NR2C2: variants seen among roughly 807,000 people sequenced by gnomAD.
The protein encoded by NR2C2 is nuclear receptor subfamily 2 group C member 2.
In NR2C2, 6 loss-of-function variants were observed where a neutral mutation model predicts 62.9. The ratio of observed to expected loss-of-function variants is 0.10; its 90% CI spans 0.05 to 0.19. The LOEUF (loss-of-function observed/expected upper bound fraction) is 0.19. NR2C2 is among the 10% of genes least tolerant of loss of function. The probability of loss-of-function intolerance (pLI) is 1.00; values close to 1 mark genes in which losing one functional copy is unlikely to be tolerated. For synonymous variants in NR2C2, 272 were observed against 273.8 expected, an observed-to-expected ratio of 0.99 and a Z score of 0.07; for missense variants, 479 against 762.7, an observed-to-expected ratio of 0.63 and a Z score of 4.38.
At chr3:14,952,064 T>G (rs2039379966) in intron 1 of NR2C2, among the ~76,000 whole-genome samples, 1 of 152,220 alleles carries the variant, frequency 6.6e-6, no homozygotes, top group African/African-American at 2.4e-5. Flanking sequence ...GTTTTTAGCA[T>G]CTGTCTCCAA....
intron 2 of NR2C2, among the ~76,000 whole-genome samples, chr3:15,007,699 G>C (rs1393902898): frequency 6.6e-6 from 1 of 152,148 alleles, no homozygotes; most frequent in Non-Finnish European, 1.5e-5. Flanking sequence ...AAAAAGTCTT[G>C]ACTTTTTCCT....
At chr3:14,952,292 G>T (rs929285399) in intron 1 of NR2C2, among the ~76,000 whole-genome samples, 28 of 152,200 alleles carry the variant, frequency 1.8e-4, no homozygotes, top group African/African-American at 5.6e-4. Context: ...TTGTGGAGCA[G>T]CCCTGTCTTC....
chr3:14,951,022 A>C (rs1167459027), intron 1 of NR2C2, among the ~76,000 whole-genome samples: 1 of 152,218 alleles, frequency 6.6e-6, no homozygotes, highest in Non-Finnish European at 1.5e-5. Flanking sequence ...TTTTTTTATG[A>C]TTGAATTACA....
intron 2 of NR2C2, among the ~76,000 whole-genome samples, chr3:15,007,952 A>G (rs1056797999): frequency 3.3e-5 from 5 of 152,186 alleles, no homozygotes; most frequent in African/African-American, 1.2e-4. Context: ...TAGAAGAGCA[A>G]GCATTCCTAT....
chr3:15,000,174 C>T (rs1278983431), intron 1 of NR2C2, among the ~76,000 whole-genome samples: 1 of 152,090 alleles, frequency 6.6e-6, no homozygotes, highest in Non-Finnish European at 1.5e-5. Context: ...TCTCCCCATT[C>T]CCCCTGCCCC....
At chr3:14,983,891 TA>T (rs1319666400) in intron 1 of NR2C2, among the ~76,000 whole-genome samples, 4 of 152,094 alleles carry the variant, frequency 2.6e-5, no homozygotes, top group South Asian at 2.1e-4. Context: ...TTTATTATTA[TA>T]TTTTTTTATT....
rs991021489 is a variant in NR2C2, at chr3:15,046,268, G to C, written c.*3260G>C. 1 of 152,122 alleles carries C rather than the reference G, an allele frequency of 6.6e-6. No individual in the cohort carries two copies. The highest frequency in any genetic ancestry group is 2.4e-5 in the African/African-American group (1 of 41,420). 9.4% of individuals were successfully genotyped at this position (152,122 alleles called of 1,614,324 possible). ...AAGATGTGTAATTGCCCTCAAGAGG[G>C]ACTGATTTTTAGCTTGTCATTGTCA... On this transcript the variant is annotated 3_prime_UTR_variant, in exon 14 of 14. Coordinates refer to ENST00000425241, the MANE Select transcript of NR2C2 (RefSeq NM_001291694.2).
chr3:14,956,871 ATAGT>A (rs1175812480), intron 1 of NR2C2, among the ~76,000 whole-genome samples: 5 of 152,200 alleles, frequency 3.3e-5, no homozygotes, highest in African/African-American at 4.8e-5. Flanking sequence ...CCATGTGTAT[ATAGT>A]TAAATTTCAT....
intron 1 of NR2C2, among the ~76,000 whole-genome samples, chr3:14,968,429 A>G (rs1369182072): frequency 6.6e-6 from 1 of 152,022 alleles, no homozygotes; most frequent in Non-Finnish European, 1.5e-5. Context: ...TCAAAACCAC[A>G]ATGAGATACC....
At chr3:14,972,836 G>T (rs1442974525) in intron 1 of NR2C2, among the ~76,000 whole-genome samples, 1 of 152,074 alleles carries the variant, frequency 6.6e-6, no homozygotes, top group East Asian at 1.9e-4. Flanking sequence ...CAAGAGAGTG[G>T]GGGGAGGTGC....
chr3:14,957,275 C>G (rs766188166), intron 1 of NR2C2, among the ~76,000 whole-genome samples: 1 of 152,128 alleles, frequency 6.6e-6, no homozygotes, highest in Non-Finnish European at 1.5e-5. Context: ...ATGAAGGCAG[C>G]GTCTCCTTGT....
chr3:15,038,071 A>C lies in NR2C2; in HGVS notation c.1444A>C (p.Met482Leu), dbSNP rs1172945590. 1.9e-5 allele frequency: 30 copies of C among 1,614,096 alleles called. No homozygotes were observed. Among genetic ancestry groups the C allele is most frequent in the Non-Finnish European group, 2.2e-5 (26 of 1,180,044 alleles). Residue 482 changes from methionine (M) to leucine (L), a missense_variant, in exon 12 of 14, where the codon ATG becomes CTG. By Grantham distance (15) the Met-to-Leu change is conservative. Around this residue, in one of 4 missense-constraint regions of NR2C2, gnomAD observed 162 missense variants for 296.8 expected, o/e 0.55. Coordinates refer to ENST00000425241, the MANE Select transcript of NR2C2 (RefSeq NM_001291694.2). ...GAAGCTGCAGGAGTTCTGTAACAGC[A>C]TGGCGAAGCTGGATATAGATGGCTA... ...IWKLQEFCNS[M>L]AKLDIDGYEY... is the part of the protein sequence containing the mutation.
At chr3:15,034,833 G>A (rs2042065439) in intron 11 of NR2C2, 24 bp downstream of exon 11, 1 of 1,596,104 alleles carries the variant, frequency 6.3e-7, no homozygotes, top group Non-Finnish European at 8.5e-7. Flanking sequence ...ACTTGGGGCT[G>A]GGGTGTGTCT....
chr3:14,996,446 G>C, intron 1 of NR2C2, among the ~76,000 whole-genome samples: 1 of 152,314 alleles, frequency 6.6e-6, no homozygotes, highest in South Asian at 2.1e-4. Context: ...GTTATCATTT[G>C]CTGAATGTAA....
At chr3:14,981,051 T>A (rs2040351843) in intron 1 of NR2C2, among the ~76,000 whole-genome samples, 1 of 152,250 alleles carries the variant, frequency 6.6e-6, no homozygotes, top group Admixed American at 6.5e-5. Context: ...GACAATTTTA[T>A]AGAATCAAAT....
At chr3:15,039,341 C>T (rs2042190030) in intron 13 of NR2C2, 114 bp downstream of exon 13, 1 of 703,830 alleles carries the variant, frequency 1.4e-6, no homozygotes, top group Admixed American at 2.4e-5. Flanking sequence ...CTGATAGAGC[C>T]TCCATTGGAT....
At chr3:15,007,540 T>C (rs984217997) in intron 2 of NR2C2, among the ~76,000 whole-genome samples, 5 of 152,228 alleles carry the variant, frequency 3.3e-5, no homozygotes, top group African/African-American at 4.8e-5. Flanking sequence ...CTGGTTTGTT[T>C]CCTTGTGTAT....
At chr3:15,023,066 A>T in intron 5 of NR2C2, 134 bp from the exon 6 acceptor site, 1 of 958,730 alleles carries the variant, frequency 1.0e-6, no homozygotes, top group South Asian at 1.7e-5. Context: ...CGAAAAGTCC[A>T]CTGTGAAAGC....
intron 2 of NR2C2, among the ~76,000 whole-genome samples, chr3:15,010,807 A>G (rs946494110): frequency 2.0e-5 from 3 of 152,130 alleles, no homozygotes; most frequent in East Asian, 1.9e-4. Context: ...CTACTTCCCA[A>G]CATACCCTGA....
Sources: allele counts gnomAD v4.1 joint callset (sites outside exome capture counted in the v4.1 genomes callset), GRCh38; gene constraint gnomAD v4.1.1; regional missense constraint gnomAD v4.1.1; transcripts MANE v1.5; gene names NCBI Gene and HGNC (gene_info 2026-07-23, HGNC 2026-07-21).